The following PRRC1 variants were observed in gnomAD, a reference collection of about 807,000 sequenced individuals.
PRRC1 encodes proline rich coiled-coil 1, also known as protein PRRC1.
Under a neutral mutation model 40.7 loss-of-function variants are expected in PRRC1, and 39 were observed. The observed-to-expected ratio is 0.96, with a 90% CI of 0.74 to 1.25. The LOEUF (loss-of-function observed/expected upper bound fraction) is 1.25. Ranked by LOEUF, PRRC1 falls within the 50% of genes most tolerant of loss-of-function variation. The pLI is 0.00. For synonymous variants in PRRC1, 175 were observed against 193.3 expected, an observed-to-expected ratio of 0.91 and a Z score of 0.79; for missense variants, 573 against 548.3, an observed-to-expected ratio of 1.05 and a Z score of -0.45.
intron 7 of PRRC1, among the ~76,000 whole-genome samples, chr5:127,545,616 G>T (rs1328227813): frequency 3.0e-5 from 4 of 134,004 alleles, no homozygotes; most frequent in African/African-American, 8.4e-5. Flanking sequence ...AAGGGGAACA[G>T]CACACTCTGG....
intron 7 of PRRC1, among the ~76,000 whole-genome samples, chr5:127,544,222 G>T (rs1053072771): frequency 6.6e-6 from 1 of 152,186 alleles, no homozygotes; most frequent in African/African-American, 2.4e-5. Context: ...CTGTCTGATC[G>T]TTCCTCTGGA....
intron 7 of PRRC1, among the ~76,000 whole-genome samples, chr5:127,543,667 G>A (rs1768122592): frequency 6.6e-6 from 1 of 152,110 alleles, no homozygotes; most frequent in Non-Finnish European, 1.5e-5. Flanking sequence ...GATCGCGTCG[G>A]CTCCTGAGGC....
intron 5 of PRRC1, among the ~76,000 whole-genome samples, chr5:127,531,108 C>T (rs1035313488): frequency 1.3e-5 from 2 of 152,200 alleles, no homozygotes; most frequent in African/African-American, 4.8e-5. Context: ...CAAGTCTTGA[C>T]TATGTTGGTA....
intron 7 of PRRC1, among the ~76,000 whole-genome samples, chr5:127,546,881 A>G (rs950250857): frequency 4.6e-5 from 7 of 152,282 alleles, no homozygotes; most frequent in African/African-American, 1.7e-4. Flanking sequence ...AATAAAATAA[A>G]TGTCATTATT....
In PRRC1 at chr5:127,551,970, A is replaced by G. The variant is rs909676559; in HGVS notation, c.*54A>G. On this transcript the variant is annotated 3_prime_UTR_variant, in exon 9 of 9. Coordinates refer to ENST00000296666, the MANE Select transcript of PRRC1 (RefSeq NM_130809.5). ...TTCCCCCACTTTTAGCTTGATGTTA[A>G]AGAAGTGGTTGTACCTTCCTAAATC... 1 of 1,608,986 alleles carries G rather than the reference A, an allele frequency of 6.2e-7. No individual in the cohort carries two copies. Among genetic ancestry groups the G allele is most frequent in the Admixed American group, 1.7e-5 (1 of 59,652 alleles).
chr5:127,538,856 T>A (rs904255442), intron 6 of PRRC1, among the ~76,000 whole-genome samples, 184 bp from the exon 7 acceptor site: 1 of 152,168 alleles, frequency 6.6e-6, no homozygotes, highest in Non-Finnish European at 1.5e-5. Flanking sequence ...AAACTGTTGA[T>A]ACTACGGAAA....
At chr5:127,526,492 C>T (rs1767616768) in intron 3 of PRRC1, 126 bp from the exon 4 acceptor site, 6 of 639,412 alleles carry the variant, frequency 9.4e-6, no homozygotes, top group Non-Finnish European at 1.5e-5. Context: ...TTGTGTTAAT[C>T]TTTGATTGTA....
chr5:127,530,353 A>G lies in PRRC1; in HGVS notation c.714A>G (p.Glu238=). 6.2e-7 allele frequency: 1 copy of G among 1,614,008 alleles called. No individual in the cohort carries two copies. Among genetic ancestry groups the G allele is most frequent in the Non-Finnish European group, 8.5e-7 (1 of 1,179,938 alleles). The part of the protein sequence containing the change: ...SVLDKTKHSV[E]SMITTLDPGM... ...TTGATAAGACAAAACATTCAGTAGA[A>G]AGCATGATTACAACGCTGGACCCTG... Residue 238 remains glutamate, a synonymous_variant, in exon 5 of 9, where the codon GAA becomes GAG. Transcript: ENST00000296666.
At chr5:127,544,099 C>T (rs551646640) in intron 7 of PRRC1, among the ~76,000 whole-genome samples, 1 of 152,158 alleles carries the variant, frequency 6.6e-6, no homozygotes, top group South Asian at 2.1e-4. Context: ...ACAGACAGGA[C>T]CCTCATCTGC....
chr5:127,550,049 A>T (rs1198430122), intron 8 of PRRC1: 1 of 151,778 alleles, frequency 6.6e-6, no homozygotes, highest in Non-Finnish European at 1.5e-5. Context: ...CACATCTAGT[A>T]TGATCCCATT....
At chr5:127,533,901 T>G (rs780707583) in intron 6 of PRRC1, 115 bp downstream of exon 6, 1 of 1,153,476 alleles carries the variant, frequency 8.7e-7, no homozygotes, top group African/African-American at 1.5e-5. Context: ...GAAATAACAA[T>G]GAACTTTGCT....
chr5:127,525,976 T>G (rs987317431), intron 3 of PRRC1, among the ~76,000 whole-genome samples: 3 of 152,164 alleles, frequency 2.0e-5, no homozygotes, highest in African/African-American at 7.2e-5. Context: ...ATGCCAAAAG[T>G]TTGTGATACT....
rs1032832304 is a variant in PRRC1 at position 127,526,915 on chromosome 5, C to G, written c.654+137C>G. Reference sequence around the variant, plus strand: ...TTATTAGCAGTTTTCTGTAGCTGCTCTCAGTCTCTTGCCTATGCATATCTG... The same window carrying G: ...TTATTAGCAGTTTTCTGTAGCTGCTGTCAGTCTCTTGCCTATGCATATCTG... On this transcript the variant is annotated intron_variant, in intron 4 of 8. Coordinates refer to ENST00000296666, the MANE Select transcript of PRRC1 (RefSeq NM_130809.5). The G allele has an allele frequency of 1.0e-4, 73 of 696,834 alleles. 2 individuals carry two copies. In the East Asian group the frequency reaches 2.1e-3, roughly 20 times the overall value. 43.2% of individuals were successfully genotyped at this position (696,834 alleles called of 1,614,324 possible). A position where few individuals can be genotyped will look rare whatever the true frequency, so the allele number is the denominator to read the frequency against.
chr5:127,524,306 A>G (rs903838859), intron 2 of PRRC1, among the ~76,000 whole-genome samples: 1 of 152,174 alleles, frequency 6.6e-6, no homozygotes, highest in African/African-American at 2.4e-5. Context: ...GCAAAAATGA[A>G]CAATGCCATA....
chr5:127,528,185 A>G (rs545476760), intron 4 of PRRC1, among the ~76,000 whole-genome samples: 7 of 152,240 alleles, frequency 4.6e-5, no homozygotes, highest in East Asian at 1.9e-4. Context: ...ACTTTTCTAT[A>G]TGCTCTCATA....
rs1047371938 is a variant in PRRC1 at position 127,553,479 on chromosome 5, ACTTT to A, written c.*1573_*1576del. 142 of 1,137,626 alleles carry A rather than the reference ACTTT, an allele frequency of 1.2e-4. No individual in the cohort carries two copies. The highest frequency in any genetic ancestry group is 3.0e-4 in the East Asian group (4 of 13,364). 70.5% of individuals were successfully genotyped at this position (1,137,626 alleles called of 1,614,324 possible). ...TGTCCAGGAGTAACAGGGACAGAAT[ACTTT>A]CTTTCTTTCCTTCAAGTACAAGAAG... On this transcript the variant is annotated 3_prime_UTR_variant, in exon 9 of 9. Coordinates refer to ENST00000296666, the MANE Select transcript of PRRC1 (RefSeq NM_130809.5).
intron 5 of PRRC1, among the ~76,000 whole-genome samples, chr5:127,530,898 TAATCATCCAG>T (rs1387407161): frequency 6.6e-6 from 1 of 152,322 alleles, no homozygotes; most frequent in Non-Finnish European, 1.5e-5. Flanking sequence ...CTCTGAACAC[TAATCATCCAG>T]AATCATCCAG....
chr5:127,518,256 G>A (rs1170501308), intron 1 of PRRC1, among the ~76,000 whole-genome samples: 2 of 152,252 alleles, frequency 1.3e-5, no homozygotes, highest in East Asian at 3.9e-4. Flanking sequence ...AGAGGCCCAG[G>A]AGGCTCGAGA....
intron 4 of PRRC1, among the ~76,000 whole-genome samples, chr5:127,528,577 A>G (rs1192268536): frequency 6.6e-6 from 1 of 151,710 alleles, no homozygotes; most frequent in Non-Finnish European, 1.5e-5. Context: ...TCGCCTCCCA[A>G]AGTGCTGGGA....
Sources: allele counts gnomAD v4.1 joint callset (sites outside exome capture counted in the v4.1 genomes callset), GRCh38; gene constraint gnomAD v4.1.1; transcripts MANE v1.5; gene names NCBI Gene and HGNC (gene_info 2026-07-23, HGNC 2026-07-21).